The following DCAF1 variants were observed in gnomAD, a reference collection of about 807,000 sequenced individuals.
DCAF1 encodes DDB1 and CUL4 associated factor 1.
A neutral mutation model predicts 128.0 loss-of-function variants in DCAF1; 15 were observed. That is an observed-to-expected ratio of 0.12 (90% CI 0.08 to 0.18). The LOEUF (loss-of-function observed/expected upper bound fraction) is 0.18, where lower values mean the gene tolerates loss of function less well. Among genes scored for constraint, DCAF1 ranks in the 10% least tolerant of loss-of-function variants. DCAF1 has a pLI of 1.00. For synonymous variants in DCAF1, 610 were observed against 603.0 expected, an observed-to-expected ratio of 1.01 and a Z score of -0.17; for missense variants, 988 against 1,649.5, an observed-to-expected ratio of 0.60 and a Z score of 6.95.
At chr3:51,492,741 T>A (rs1333931798) in intron 2 of DCAF1, among the ~76,000 whole-genome samples, 2 of 152,104 alleles carry the variant, frequency 1.3e-5, no homozygotes, top group African/African-American at 2.4e-5. Context: ...ATGCTTGCAA[T>A]CTCAGCACTT....
intron 6 of DCAF1, among the ~76,000 whole-genome samples, chr3:51,449,612 A>C (rs1702171157): frequency 1.3e-5 from 2 of 152,226 alleles, no homozygotes; most frequent in Non-Finnish European, 2.9e-5. Context: ...TGCCACTAGA[A>C]AAAAACAATA....
chr3:51,414,774 G>T lies in DCAF1; in HGVS notation c.3687C>A (p.Thr1229=). The T allele has an allele frequency of 1.2e-6, 2 of 1,614,008 alleles. No individual in the cohort carries two copies. Among genetic ancestry groups the T allele is most frequent in the Non-Finnish European group, 1.7e-6 (2 of 1,179,892 alleles). The change falls in exon 19 of 25, where the codon ACC becomes ACA. Residue 1229 remains threonine, a synonymous_variant. Coordinates refer to ENST00000684031, the MANE Select transcript of DCAF1 (RefSeq NM_001387579.1). ...AGACAAGATCATCTGTAGGATTAAA[G>T]GTGGCACAGTTCCTCTTGTAGTTGT... ...LANNYKRNCA[T]FNPTDDLVLN...
the DCAF1 span, among the ~76,000 whole-genome samples, chr3:51,505,416 T>C: frequency 1.4e-3 from 213 of 152,302 alleles, no homozygotes; most frequent in Non-Finnish European, 2.3e-3. Flanking sequence ...CATGGGCGTA[T>C]CCCTCTTGGA....
chr3:51,473,254 C>G (rs1234407027), intron 3 of DCAF1, among the ~76,000 whole-genome samples: 1 of 148,042 alleles, frequency 6.8e-6, no homozygotes, highest in African/African-American at 2.5e-5. Flanking sequence ...AAGAGCAAAA[C>G]TCTATCTCAA....
At position 51,457,374 on chromosome 3, in the gene DCAF1, A is replaced by G. The variant is rs183261124; in HGVS notation, c.375+5740T>C. On this transcript the variant is annotated intron_variant, in intron 6 of 24. Transcript: ENST00000684031. ...GAGAAGTTTACAGAAAAAAGAATAAAAAGAAACGAACAAAGCCTCCAAGAA... is the reference window on the plus strand; with the variant it reads ...GAGAAGTTTACAGAAAAAAGAATAAGAAGAAACGAACAAAGCCTCCAAGAA... 5.9e-5 allele frequency among the ~76,000 whole-genome samples: 9 copies of G among 152,318 alleles called. No individual in the cohort carries two copies. The East Asian group carries it at 1.5e-3, about 26-fold the overall frequency.
intron 9 of DCAF1, among the ~76,000 whole-genome samples, chr3:51,435,318 T>C (rs1161391542): frequency 6.6e-6 from 1 of 152,180 alleles, no homozygotes; most frequent in Admixed American, 6.6e-5. Flanking sequence ...GGAGACAACT[T>C]TGACCTCCAG....
rs1410021548 is a variant in DCAF1 at position 51,457,524 on chromosome 3, C to G, written c.375+5590G>C. On this transcript the variant is annotated intron_variant, in intron 6 of 24. Coordinates refer to ENST00000684031, the MANE Select transcript of DCAF1 (RefSeq NM_001387579.1). ...ATCCAGGAGAACTTCCCCAATCTAG[C>G]AAGGCAGGCCAACATTCAAATTAAG... 7.9e-5 allele frequency among the ~76,000 whole-genome samples: 12 copies of G among 152,296 alleles called. No individual in the cohort carries two copies. In the East Asian group the frequency reaches 2.3e-3, roughly 29 times the overall value.
intron 14 of DCAF1, among the ~76,000 whole-genome samples, chr3:51,421,293 G>A (rs1699369281): frequency 6.6e-6 from 1 of 152,172 alleles, no homozygotes; most frequent in Non-Finnish European, 1.5e-5. Flanking sequence ...GTCTCGCTCT[G>A]TCGCCCAAGC....
intron 23 of DCAF1, among the ~76,000 whole-genome samples, 179 bp downstream of exon 23, chr3:51,412,200 T>C (rs2107157221): frequency 6.6e-6 from 1 of 151,822 alleles, no homozygotes; most frequent in East Asian, 1.9e-4. Flanking sequence ...AGGTACTGGT[T>C]AAAATCTTAT....
chr3:51,469,220 A>C (rs1704457201), intron 4 of DCAF1, among the ~76,000 whole-genome samples: 1 of 143,522 alleles, frequency 7.0e-6, no homozygotes, highest in African/African-American at 2.7e-5. Context: ...TCCACACACA[A>C]ATTTTTTTTT....
intron 2 of DCAF1, among the ~76,000 whole-genome samples, chr3:51,491,721 G>A (rs1292503771): frequency 1.3e-5 from 2 of 151,522 alleles, no homozygotes; most frequent in African/African-American, 4.9e-5. Flanking sequence ...TGGCGCGCCT[G>A]TAACCCCAGC....
chr3:51,468,619 A>C (rs1704392364), intron 4 of DCAF1, among the ~76,000 whole-genome samples: 1 of 152,228 alleles, frequency 6.6e-6, no homozygotes. Context: ...GTTAATTAGT[A>C]TCTCAAAGTA....
intron 24 of DCAF1, among the ~76,000 whole-genome samples, chr3:51,400,795 C>A (rs1379954800): frequency 2.6e-5 from 4 of 152,010 alleles, no homozygotes; most frequent in Non-Finnish European, 5.9e-5. Context: ...CGCTCTACAA[C>A]ATACAGGTTC....
In DCAF1 at chr3:51,398,767, C is replaced by T. The variant is rs1352051773; in HGVS notation, c.*2G>A. The T allele has an allele frequency of 6.3e-7, 1 of 1,588,322 alleles. No homozygotes were observed. The highest frequency in any genetic ancestry group is 8.6e-7 in the Non-Finnish European group (1 of 1,166,824). ...GAATCTCTTCCAAGCAGTGATGGCT[C>T]CTCACTCATTCAGAGATAAGATGAT... is the stretch of plus-strand genomic sequence containing the variant. On this transcript the variant is annotated 3_prime_UTR_variant, in exon 25 of 25. Coordinates refer to ENST00000684031, the MANE Select transcript of DCAF1 (RefSeq NM_001387579.1).
At chr3:51,424,571 C>A (rs1553633597) in intron 13 of DCAF1, among the ~76,000 whole-genome samples, 1 of 151,996 alleles carries the variant, frequency 6.6e-6, no homozygotes, top group African/African-American at 2.4e-5. Flanking sequence ...TCAAGAGAGC[C>A]TCCAAAAGGA....
chr3:51,431,964 C>T (rs1300589669), intron 10 of DCAF1, among the ~76,000 whole-genome samples: 9 of 150,624 alleles, frequency 6.0e-5, no homozygotes, highest in African/African-American at 2.0e-4. Context: ...GACAACAGAG[C>T]GAGACCCTGT....
At chr3:51,478,389 T>C (rs539937008) in intron 3 of DCAF1, among the ~76,000 whole-genome samples, 2 of 152,244 alleles carry the variant, frequency 1.3e-5, no homozygotes, top group Non-Finnish European at 2.9e-5. Flanking sequence ...CTGAAGAGCA[T>C]AGCATAGTGA....
chr3:51,492,504 G>A (rs1424614430), intron 2 of DCAF1, among the ~76,000 whole-genome samples: 4 of 151,912 alleles, frequency 2.6e-5, no homozygotes, highest in Non-Finnish European at 5.9e-5. Context: ...CAAAAGGAGT[G>A]AGACTTTGTC....
rs1553634473 is a variant in DCAF1 at position 51,427,559 on chromosome 3, T to C, written c.1678-18A>G. ...GAGCATGCCTATAAGGAGAGATATATAGTATTATTATTATATATAACTCTA... is the reference window on the plus strand; with the variant it reads ...GAGCATGCCTATAAGGAGAGATATACAGTATTATTATTATATATAACTCTA... On this transcript the variant is annotated intron_variant, in intron 12 of 24. Coordinates refer to ENST00000684031, the MANE Select transcript of DCAF1 (RefSeq NM_001387579.1). The C allele has an allele frequency of 4.8e-6, 3 of 628,996 alleles. No individual in the cohort carries two copies. The highest frequency in any genetic ancestry group is 2.9e-5 in the East Asian group (1 of 34,158). The allele number at this position is 628,996 out of a possible 1,614,324, so 39.0% of individuals were successfully genotyped here. A position where few individuals can be genotyped will look rare whatever the true frequency, so the allele number is the denominator to read the frequency against.
Sources: allele counts gnomAD v4.1 joint callset (sites outside exome capture counted in the v4.1 genomes callset), GRCh38; gene constraint gnomAD v4.1.1; transcripts MANE v1.5; gene names NCBI Gene and HGNC (gene_info 2026-07-23, HGNC 2026-07-21).